DAPP1: variants seen among roughly 807,000 people sequenced by gnomAD.
The protein encoded by DAPP1 is dual adapter for phosphotyrosine and 3-phosphotyrosine and 3-phosphoinositide.
DAPP1 carries 20 observed loss-of-function variants against 41.5 expected under a neutral mutation model. That is an observed-to-expected ratio of 0.48 (90% CI 0.34 to 0.70). The LOEUF (loss-of-function observed/expected upper bound fraction) is 0.70, where lower values mean the gene tolerates loss of function less well. Ranked by LOEUF, DAPP1 falls within the 30% of genes least tolerant of loss-of-function variation. DAPP1 has a pLI of 0.01. For missense variants in DAPP1, 233 were observed against 333.4 expected (o/e 0.70, Z 2.35); for synonymous variants, 113 against 116.2 (o/e 0.97, Z 0.18).
chr4:99,856,347 G>A (rs1724043218), intron 4 of DAPP1, among the ~76,000 whole-genome samples: 2 of 152,324 alleles, frequency 1.3e-5, no homozygotes, highest in African/African-American at 2.4e-5. Context: ...TTTCACTGAA[G>A]GGAAGGAGTG....
In DAPP1 at chr4:99,819,556, C is replaced by T. The variant is rs1285934551; in HGVS notation, c.101+2542C>T. Among the ~76,000 whole-genome samples, 4 of 152,138 alleles carry T rather than the reference C, an allele frequency of 2.6e-5. No homozygotes were observed. The East Asian group carries it at 7.7e-4, about 29-fold the overall frequency. On this transcript the variant is annotated intron_variant, in intron 1 of 8. Coordinates refer to ENST00000512369, the MANE Select transcript of DAPP1 (RefSeq NM_014395.3). ...GAACATAACTCGAACATTATAATGACTTTTTCTTTGAACCTTTAACCACTG... is the reference window on the plus strand; with the variant it reads ...GAACATAACTCGAACATTATAATGATTTTTTCTTTGAACCTTTAACCACTG...
intron 2 of DAPP1, 136 bp downstream of exon 2, chr4:99,835,881 AATG>A: frequency 8.7e-7 from 1 of 1,150,066 alleles, no homozygotes; most frequent in Middle Eastern, 2.0e-4. Context: ...CCAAACTCTA[AATG>A]ATGAGGGTGT....
chr4:99,861,530 G>C, intron 4 of DAPP1, 48 bp from the exon 5 acceptor site: 1 of 1,535,610 alleles, frequency 6.5e-7, no homozygotes, highest in Non-Finnish European at 8.8e-7. Context: ...AAGGACAAAC[G>C]TCCTGTTGTG....
intron 4 of DAPP1, among the ~76,000 whole-genome samples, chr4:99,857,802 T>C (rs1419449156): frequency 1.3e-5 from 2 of 152,086 alleles, no homozygotes; most frequent in Admixed American, 1.3e-4. Flanking sequence ...TATTTAAAAT[T>C]TTTTTCATGT....
intron 1 of DAPP1, among the ~76,000 whole-genome samples, chr4:99,821,121 C>CT (rs1283268701): frequency 1.3e-5 from 2 of 152,202 alleles, no homozygotes; most frequent in African/African-American, 4.8e-5. Flanking sequence ...CCTACAGTCT[C>CT]TGAGTGTCTG....
At chr4:99,857,559 T>C (rs1002978296) in intron 4 of DAPP1, among the ~76,000 whole-genome samples, 54 of 152,310 alleles carry the variant, frequency 3.5e-4, no homozygotes, top group Non-Finnish European at 1.3e-4. Flanking sequence ...CTTTGACACA[T>C]TTTATAGTTC....
chr4:99,830,130 C>T (rs545284442), intron 1 of DAPP1, among the ~76,000 whole-genome samples: 1 of 152,282 alleles, frequency 6.6e-6, no homozygotes, highest in East Asian at 1.9e-4. Context: ...CGCCTGTAAT[C>T]CTAGCACTTT....
At chr4:99,861,199 G>A (rs1354099977) in intron 4 of DAPP1, among the ~76,000 whole-genome samples, 1 of 152,148 alleles carries the variant, frequency 6.6e-6, no homozygotes, top group Non-Finnish European at 1.5e-5. Context: ...CATCCTTTTA[G>A]TTTTCTTAAT....
chr4:99,871,882 T>C (rs978115105), downstream of DAPP1, among the ~76,000 whole-genome samples: 1 of 152,172 alleles, frequency 6.6e-6, no homozygotes, highest in East Asian at 1.9e-4. Context: ...GACAATGAGA[T>C]TGTAAGTTGT....
chr4:99,842,128 A>G (rs907892644), intron 3 of DAPP1, among the ~76,000 whole-genome samples: 1 of 152,222 alleles, frequency 6.6e-6, no homozygotes, highest in Non-Finnish European at 1.5e-5. Context: ...ATGCGCCAAA[A>G]TAAAGATGTT....
At chr4:99,861,152 A>G (rs1037995577) in intron 4 of DAPP1, among the ~76,000 whole-genome samples, 2 of 152,220 alleles carry the variant, frequency 1.3e-5, no homozygotes. Flanking sequence ...AAAGTATATT[A>G]GCATAATACA....
At chr4:99,840,497 A>G (rs1723458542) in intron 3 of DAPP1, 75 bp downstream of exon 3, 2 of 1,470,886 alleles carry the variant, frequency 1.4e-6, no homozygotes, top group Admixed American at 4.2e-5. Context: ...ATTTCAATTT[A>G]AGAATGTCAT....
At chr4:99,829,446 C>G (rs1353920582) in intron 1 of DAPP1, among the ~76,000 whole-genome samples, 1 of 152,008 alleles carries the variant, frequency 6.6e-6, no homozygotes, top group Non-Finnish European at 1.5e-5. Context: ...CACCATTGCA[C>G]TCCAGCCTGG....
chr4:99,869,963 A>G lies in DAPP1; in HGVS notation c.*1778A>G, dbSNP rs1724589944. Reference sequence around the variant, plus strand: ...AAACAAACAAAACAAAACAAAAAAAAACAGAAGTTACAAATGAATACTCAC... The same window carrying G: ...AAACAAACAAAACAAAACAAAAAAAGACAGAAGTTACAAATGAATACTCAC... On this transcript the variant is annotated 3_prime_UTR_variant, in exon 9 of 9. Coordinates refer to ENST00000512369, the MANE Select transcript of DAPP1 (RefSeq NM_014395.3). The G allele has an allele frequency of 6.6e-6, 1 of 151,214 alleles. No individual in the cohort carries two copies. The highest frequency in any genetic ancestry group is 1.9e-4 in the East Asian group (1 of 5,194). The allele number at this position is 151,214 out of a possible 1,614,324, so 9.4% of individuals were successfully genotyped here.
rs1466678596 is a variant in DAPP1, at chr4:99,865,912, TATA to T, written c.687-121_687-119del. On this transcript the variant is annotated intron_variant, in intron 7 of 8. Coordinates refer to ENST00000512369, the MANE Select transcript of DAPP1 (RefSeq NM_014395.3). ...TTAGTGTTCAACTAATATATATATATATATATATATATAATATATATAATATAT... is the reference window on the plus strand; with the variant it reads ...TTAGTGTTCAACTAATATATATATATTATATATATAATATATATAATATAT... The T allele has an allele frequency of 1.5e-4, 14 of 91,352 alleles. 1 individual carries two copies. Among genetic ancestry groups the T allele is most frequent in the East Asian group, 1.4e-3 (5 of 3,690 alleles). The allele number at this position is 91,352 out of a possible 1,614,324, so 5.7% of individuals were successfully genotyped here.
intron 1 of DAPP1, among the ~76,000 whole-genome samples, chr4:99,822,389 A>T (rs1428910281): frequency 6.6e-6 from 1 of 152,156 alleles, no homozygotes; most frequent in Non-Finnish European, 1.5e-5. Context: ...GTTAGAATGC[A>T]GTGTTGTGTG....
Position 99,868,176 on chromosome 4 carries a change from C to T in DAPP1, c.834C>T (p.Ile278=). 1 of 1,613,826 alleles carries T rather than the reference C, an allele frequency of 6.2e-7. No homozygotes were observed. The highest frequency in any genetic ancestry group is 2.2e-5 in the East Asian group (1 of 44,870). Residue 278 remains isoleucine (I), a synonymous_variant, in exon 9 of 9, where the codon ATC becomes ATT. Transcript: ENST00000512369. ...GCACGATCCGATCTCGGTCGTTCAT[C>T]TTTAAATAGATCTTTCTTGCCAAGG... ...GEGTIRSRSF[I]FK
intron 1 of DAPP1, among the ~76,000 whole-genome samples, chr4:99,831,430 A>G (rs1291514149): frequency 1.3e-5 from 2 of 152,254 alleles, no homozygotes; most frequent in Non-Finnish European, 2.9e-5. Flanking sequence ...TCTGGCAACC[A>G]AAAATATGCT....
intron 3 of DAPP1, among the ~76,000 whole-genome samples, chr4:99,852,225 G>T (rs549287415): frequency 1.3e-5 from 2 of 152,264 alleles, no homozygotes; most frequent in Admixed American, 6.5e-5. Context: ...GCAAAGCTCT[G>T]TAAATATTCG....
Sources: gnomAD v4.1 joint callset for allele counts (sites outside exome capture counted in the v4.1 genomes callset) on GRCh38, gnomAD v4.1.1 for gene constraint, MANE v1.5 for transcripts, NCBI Gene and HGNC (gene_info 2026-07-23, HGNC 2026-07-21) for gene names.